Variants in PATJ observed in about 807,000 individuals in gnomAD.
PATJ encodes the protein inaD-like protein.
PATJ carries 190 observed loss-of-function variants against 224.9 expected under a neutral mutation model. The observed-to-expected ratio is 0.84, with a 90% CI of 0.75 to 0.95. The LOEUF (loss-of-function observed/expected upper bound fraction) is 0.95, where lower values mean the gene tolerates loss of function less well. PATJ is among the 40% of genes least tolerant of loss of function. The probability of loss-of-function intolerance (pLI) is 0.00; values close to 1 mark genes in which losing one functional copy is unlikely to be tolerated. For synonymous variants in PATJ, 769 were observed against 820.3 expected, an observed-to-expected ratio of 0.94 and a Z score of 1.07; for missense variants, 2,121 against 2,270.3, an observed-to-expected ratio of 0.93 and a Z score of 1.34.
At chr1:62,136,014 G>GTT in intron 41 of PATJ, among the ~76,000 whole-genome samples, 1 of 81,234 alleles carries the variant, frequency 1.2e-5, no homozygotes, top group Non-Finnish European at 2.6e-5. Context: ...CAGACCATTA[G>GTT]ATTTTTTTTT....
chr1:62,073,040 T>C, intron 31 of PATJ: 4 of 985,374 alleles, frequency 4.1e-6, no homozygotes, highest in Non-Finnish European at 4.8e-6. Flanking sequence ...TCCCAGGTGA[T>C]TGGTCAGGGC....
At chr1:62,147,116 A>G (rs907821348) in intron 41 of PATJ, among the ~76,000 whole-genome samples, 1 of 152,152 alleles carries the variant, frequency 6.6e-6, no homozygotes, top group Non-Finnish European at 1.5e-5. Flanking sequence ...AGCTAGAGGT[A>G]CAGATTCAGG....
At chr1:61,881,870 G>A (rs941061918) in intron 21 of PATJ, among the ~76,000 whole-genome samples, 19 of 152,074 alleles carry the variant, frequency 1.2e-4, no homozygotes, top group African/African-American at 3.9e-4. Flanking sequence ...CACTTGTTCC[G>A]TAGAATGGAC....
rs781389316 is a variant in PATJ, at chr1:61,763,118, A to G, written c.128A>G (p.Lys43Arg). Residue 43 changes from lysine (K) to arginine (R), a missense_variant, in exon 3 of 44, where the codon AAG (lysine) becomes AGG (arginine). By Grantham distance (26) the Lys-to-Arg change is conservative. Transcript: ENST00000642238. ...EKLSMFYETL[K>R]SPLFNQILTL... is the part of the protein sequence containing the mutation. The stretch of plus-strand genomic sequence containing the variant: ...TTATCTATGTTTTATGAGACACTAA[A>G]GAGTCCTCTCTTCAACCAGATACTC... 28 of 1,609,994 alleles carry G rather than the reference A, an allele frequency of 1.7e-5. No homozygotes were observed. In the East Asian group the frequency reaches 4.7e-4, roughly 27 times the overall value.
intron 33 of PATJ, among the ~76,000 whole-genome samples, chr1:62,104,717 C>T (rs1392614970): frequency 1.3e-5 from 2 of 151,982 alleles, no homozygotes; most frequent in Non-Finnish European, 2.9e-5. Context: ...CTGTCTTGCC[C>T]AGGCTGGAGT....
chr1:61,978,508 G>C (rs1330439885), intron 27 of PATJ, among the ~76,000 whole-genome samples: 4 of 151,950 alleles, frequency 2.6e-5, no homozygotes, highest in Non-Finnish European at 5.9e-5. Flanking sequence ...CAGGTGATCT[G>C]CCCGCCTCGG....
At chr1:61,982,630 C>A (rs1052579421) in intron 27 of PATJ, among the ~76,000 whole-genome samples, 2 of 152,002 alleles carry the variant, frequency 1.3e-5, no homozygotes, top group Admixed American at 1.3e-4. Flanking sequence ...AATTCAAAGT[C>A]ATTTTATCTT....
rs537904312 is a variant in PATJ, at chr1:61,750,720, A to C, written c.-36+8165A>C. ...CCTCCCAAAGTGCTGGGATACAAGC[A>C]TGAGCCACCACGCCCGACCCATTTT... On this transcript the variant is annotated intron_variant, in intron 1 of 43. Coordinates refer to ENST00000642238, the MANE Select transcript of PATJ (RefSeq NM_001350145.3). Among the ~76,000 whole-genome samples the C allele has an allele frequency of 3.3e-5, 5 of 152,040 alleles. No homozygotes were observed. In the South Asian group the frequency reaches 1.0e-3, roughly 32 times the overall value.
intron 27 of PATJ, among the ~76,000 whole-genome samples, chr1:61,937,233 T>C (rs946781114): frequency 8.2e-6 from 1 of 122,616 alleles, no homozygotes; most frequent in Non-Finnish European, 2.0e-5. Context: ...ATCCCCATAG[T>C]TTCTTTCTTT....
intron 7 of PATJ, 97 bp downstream of exon 7, chr1:61,775,431 C>G: frequency 9.7e-7 from 1 of 1,031,742 alleles, no homozygotes; most frequent in African/African-American, 1.6e-5. Context: ...GGATATATGA[C>G]TTAATAACAA....
chr1:62,125,012 G>A (rs923874352), intron 39 of PATJ, among the ~76,000 whole-genome samples: 8 of 151,898 alleles, frequency 5.3e-5, no homozygotes, highest in African/African-American at 1.9e-4. Context: ...GGATCACTGA[G>A]CCCAGGAGTT....
chr1:62,149,655 T>C (rs545071637), intron 42 of PATJ, among the ~76,000 whole-genome samples: 19 of 152,110 alleles, frequency 1.2e-4, no homozygotes, highest in Non-Finnish European at 2.4e-4. Flanking sequence ...CAGCGTACCT[T>C]TAGCATCCTT....
At chr1:62,093,364 A>G (rs1661017657) in intron 33 of PATJ, among the ~76,000 whole-genome samples, 1 of 152,190 alleles carries the variant, frequency 6.6e-6, no homozygotes, top group African/African-American at 2.4e-5. Flanking sequence ...AGTTTAAACC[A>G]CTGGATATTT....
intron 20 of PATJ, among the ~76,000 whole-genome samples, chr1:61,870,200 A>G (rs537239622): frequency 1.9e-4 from 29 of 152,214 alleles, no homozygotes; most frequent in Non-Finnish European, 3.8e-4. Flanking sequence ...TTGCCAATAA[A>G]GTGGCTCTCA....
intron 23 of PATJ, among the ~76,000 whole-genome samples, chr1:61,900,550 T>A (rs1670986570): frequency 6.6e-6 from 1 of 151,666 alleles, no homozygotes; most frequent in African/African-American, 2.4e-5. Context: ...TCTGAAAGTC[T>A]GTACTTTTTG....
intron 27 of PATJ, among the ~76,000 whole-genome samples, chr1:61,963,104 A>G (rs1681549786): frequency 6.6e-6 from 1 of 152,240 alleles, no homozygotes; most frequent in African/African-American, 2.4e-5. Context: ...GAGAAAAGGT[A>G]GAATGGATAT....
At chr1:61,834,681 A>G (rs1049436317) in intron 17 of PATJ, among the ~76,000 whole-genome samples, 1 of 152,242 alleles carries the variant, frequency 6.6e-6, no homozygotes, top group South Asian at 2.1e-4. Flanking sequence ...CTTTTTTAAT[A>G]TAATAAGGCA....
At chr1:61,745,206 G>A (rs1019929259) in intron 1 of PATJ, among the ~76,000 whole-genome samples, 3 of 152,176 alleles carry the variant, frequency 2.0e-5, no homozygotes, top group Admixed American at 6.5e-5. Context: ...GTATGGGCAG[G>A]ACCCCTTCTT....
At chr1:62,045,157 G>A (rs1652289477) in intron 30 of PATJ, among the ~76,000 whole-genome samples, 1 of 151,988 alleles carries the variant, frequency 6.6e-6, no homozygotes, top group Admixed American at 6.5e-5. Context: ...GGAGGCGGAG[G>A]TTGCAGTGAG....
Sources: allele counts gnomAD v4.1 joint callset (sites outside exome capture counted in the v4.1 genomes callset), GRCh38; gene constraint gnomAD v4.1.1; transcripts MANE v1.5; gene names NCBI Gene and HGNC (gene_info 2026-07-23, HGNC 2026-07-21).